The following HECW2 variants were observed in gnomAD, a reference collection of about 807,000 sequenced individuals.
The protein encoded by HECW2 is HECT, C2 and WW domain containing E3 ubiquitin protein ligase 2, also known as E3 ubiquitin-protein ligase HECW2.
HECW2 carries 61 observed loss-of-function variants against 175.2 expected under a neutral mutation model. The ratio of observed to expected loss-of-function variants is 0.35; its 90% CI spans 0.28 to 0.43. The LOEUF is 0.43. Ranked by LOEUF, HECW2 falls within the 20% of genes least tolerant of loss-of-function variation. HECW2 has a pLI of 1.00. For synonymous variants in HECW2, 671 were observed against 731.0 expected (o/e 0.92, Z 1.32); for missense variants, 1,524 against 2,000.5 (o/e 0.76, Z 4.54).
At position 196,358,585 on chromosome 2, in the gene HECW2, C is replaced by CAA. The variant is rs144181608; in HGVS notation, c.293-14823_293-14822dup. Reference sequence around the variant, plus strand: ...TGGGAGACAGAGCAAGACTCTGTCTCAAAAAAAAAAAAAAAAAAAAAAAAA... The same window carrying CAA: ...TGGGAGACAGAGCAAGACTCTGTCTCAAAAAAAAAAAAAAAAAAAAAAAAAAA... On this transcript the variant is annotated intron_variant, in intron 2 of 28. Transcript: ENST00000644978. 1.5e-3 allele frequency among the ~76,000 whole-genome samples: 103 copies of CAA among 67,354 alleles called. 12 individuals carry two copies. Among genetic ancestry groups the CAA allele is most frequent in the African/African-American group, 3.7e-3 (59 of 15,834 alleles). The allele number at this position is 67,354 out of a possible 152,430, so 44.2% of individuals were successfully genotyped here. A position where few individuals can be genotyped will look rare whatever the true frequency, so the allele number is the denominator to read the frequency against.
chr2:196,433,019 T>C lies in HECW2; in HGVS notation c.292+113A>G, dbSNP rs1366028912. On this transcript the variant is annotated intron_variant, in intron 2 of 28. Coordinates refer to ENST00000644978, the MANE Select transcript of HECW2 (RefSeq NM_001348768.2). ...AAAAATAAATTCCCAGAATCTGCTA[T>C]GTGTATATGTGCATGTGAATTTTTT... 9.3e-6 allele frequency: 8 copies of C among 860,170 alleles called. No individual in the cohort carries two copies. The Admixed American group carries it at 1.1e-4, about 12-fold the overall frequency. The allele number at this position is 860,170 out of a possible 1,614,324, so 53.3% of individuals were successfully genotyped here.
chr2:196,305,243 G>A lies in HECW2; in HGVS notation c.2814+1245C>T, dbSNP rs78021322. 2.8e-3 allele frequency among the ~76,000 whole-genome samples: 433 copies of A among 152,200 alleles called. 20 individuals are homozygous for A. In the East Asian group the frequency reaches 0.073, roughly 26 times the overall value. On this transcript the variant is annotated intron_variant, in intron 13 of 28. Coordinates refer to ENST00000644978, the MANE Select transcript of HECW2 (RefSeq NM_001348768.2). Reference sequence around the variant, plus strand: ...AGCACATAATCATCAACAAACTTGCGAAGCTGAGTGCTCAGTAAATCTAAC... The same window carrying A: ...AGCACATAATCATCAACAAACTTGCAAAGCTGAGTGCTCAGTAAATCTAAC...
intron 19 of HECW2, among the ~76,000 whole-genome samples, chr2:196,245,783 T>A (rs1688622709): frequency 6.6e-6 from 1 of 152,144 alleles, no homozygotes. Context: ...ATAAAGCAAG[T>A]GAATAAACTT....
chr2:196,523,354 A>C (rs1474115335), intron 1 of HECW2, among the ~76,000 whole-genome samples: 2 of 151,702 alleles, frequency 1.3e-5, no homozygotes, highest in Non-Finnish European at 3.0e-5. Context: ...GAAGTTGCTT[A>C]TCAGCTTAAG....
chr2:196,523,085 C>T (rs932692101), intron 1 of HECW2, among the ~76,000 whole-genome samples: 17 of 151,816 alleles, frequency 1.1e-4, no homozygotes, highest in South Asian at 8.3e-4. Context: ...GCCATTTTCA[C>T]GATATTGATT....
intron 2 of HECW2, among the ~76,000 whole-genome samples, chr2:196,431,366 T>A (rs561765734): frequency 6.6e-6 from 1 of 152,320 alleles, no homozygotes; most frequent in South Asian, 2.1e-4. Context: ...CAAGTGTGTG[T>A]ATGGGAATCA....
chr2:196,495,864 G>A (rs1218424812), intron 1 of HECW2, among the ~76,000 whole-genome samples: 1 of 152,146 alleles, frequency 6.6e-6, no homozygotes, highest in Non-Finnish European at 1.5e-5. Flanking sequence ...AGGTGAATTT[G>A]CAGTGTATAG....
At chr2:196,418,283 C>G (rs1410309495) in intron 2 of HECW2, among the ~76,000 whole-genome samples, 1 of 152,122 alleles carries the variant, frequency 6.6e-6, no homozygotes. Flanking sequence ...CGCCTGCCAC[C>G]ACACCCAGCT....
chr2:196,564,640 T>A (rs1471618204), intron 1 of HECW2, among the ~76,000 whole-genome samples: 1 of 152,198 alleles, frequency 6.6e-6, no homozygotes, highest in Non-Finnish European at 1.5e-5. Flanking sequence ...GAAGTTTTTT[T>A]AAATTAAAAA....
At chr2:196,205,206 A>G (rs1687024875) in intron 28 of HECW2, among the ~76,000 whole-genome samples, 1 of 152,180 alleles carries the variant, frequency 6.6e-6, no homozygotes, top group African/African-American at 2.4e-5. Context: ...TATATTGTGG[A>G]GGGGGAAACT....
At chr2:196,431,565 T>C (rs1052728778) in intron 2 of HECW2, among the ~76,000 whole-genome samples, 6 of 152,100 alleles carry the variant, frequency 3.9e-5, no homozygotes, top group African/African-American at 1.4e-4. Context: ...GCTAAAATGG[T>C]AAAAAATGAG....
chr2:196,416,919 G>A (rs1695271387), intron 2 of HECW2, among the ~76,000 whole-genome samples: 2 of 152,188 alleles, frequency 1.3e-5, no homozygotes, highest in African/African-American at 4.8e-5. Context: ...GCTTTCCTAA[G>A]GAGTTTTCAG....
At chr2:196,375,455 T>G (rs1224126804) in intron 2 of HECW2, among the ~76,000 whole-genome samples, 1 of 152,246 alleles carries the variant, frequency 6.6e-6, no homozygotes, top group Non-Finnish European at 1.5e-5. Flanking sequence ...CTCTATAAAC[T>G]TTAATAGATT....
chr2:196,582,467 C>A (rs1274714783), intron 1 of HECW2, among the ~76,000 whole-genome samples: 3 of 152,202 alleles, frequency 2.0e-5, no homozygotes, highest in African/African-American at 7.2e-5. Context: ...ACTGTTTTTA[C>A]AAAACCTGGA....
At chr2:196,388,375 T>C (rs1179892998) in intron 2 of HECW2, among the ~76,000 whole-genome samples, 1 of 152,204 alleles carries the variant, frequency 6.6e-6, no homozygotes, top group Non-Finnish European at 1.5e-5. Context: ...TTTCTTTAGG[T>C]CTATCGATTT....
chr2:196,292,996 TTATTTG>T (rs369645453), intron 13 of HECW2, among the ~76,000 whole-genome samples: 98 of 152,282 alleles, frequency 6.4e-4, no homozygotes, highest in African/African-American at 2.1e-3. Flanking sequence ...TTTTTAACTT[TTATTTG>T]TATTTGAAGT....
Position 196,550,445 on chromosome 2 carries a change from A to G in HECW2, c.-36+43063T>C, listed in dbSNP as rs373055856. 7.2e-5 allele frequency among the ~76,000 whole-genome samples: 11 copies of G among 152,314 alleles called. No individual in the cohort carries two copies. In the East Asian group the frequency reaches 1.2e-3, roughly 16 times the overall value. ...CTAAGTAAAAAAAAAAAATTAAGAA[A>G]CATGAAATTTTCATTGAAAATTCTT... On this transcript the variant is annotated intron_variant, in intron 1 of 28. Coordinates refer to ENST00000644978, the MANE Select transcript of HECW2 (RefSeq NM_001348768.2).
chr2:196,567,884 T>C (rs1325577484), intron 1 of HECW2, among the ~76,000 whole-genome samples: 10 of 152,198 alleles, frequency 6.6e-5, no homozygotes, highest in African/African-American at 2.2e-4. Flanking sequence ...AATTAAGAAA[T>C]GGAATATTTT....
intron 22 of HECW2, 42 bp downstream of exon 22, chr2:196,228,060 A>T: frequency 6.8e-7 from 1 of 1,481,142 alleles, no homozygotes; most frequent in Non-Finnish European, 9.0e-7. Context: ...CTAATATCAT[A>T]GGAAATCGCC....
Sources: gnomAD v4.1 joint callset for allele counts (sites outside exome capture counted in the v4.1 genomes callset) on GRCh38, gnomAD v4.1.1 for gene constraint, MANE v1.5 for transcripts, NCBI Gene and HGNC (gene_info 2026-07-23, HGNC 2026-07-21) for gene names.